CACNG3: variants seen among roughly 807,000 people sequenced by gnomAD.
The protein encoded by CACNG3 is calcium voltage-gated channel auxiliary subunit gamma 3.
CACNG3 carries 3 observed loss-of-function variants against 28.5 expected under a neutral mutation model. That is an observed-to-expected ratio of 0.11 (90% CI 0.05 to 0.27). CACNG3 has a LOEUF of 0.27. Among genes scored for constraint, CACNG3 ranks in the 10% least tolerant of loss-of-function variants. The probability of loss-of-function intolerance (pLI) is 1.00; values close to 1 mark genes in which losing one functional copy is unlikely to be tolerated. For synonymous variants in CACNG3, 174 were observed against 162.2 expected (o/e 1.07, Z -0.55); for missense variants, 236 against 414.4 (o/e 0.57, Z 3.74).
At chr16:24,346,897 C>G (rs9929298) in intron 2 of CACNG3, 80 bp downstream of exon 2, 38,832 of 1,072,310 alleles carry the variant, frequency 0.036, 1,320 homozygotes, top group African/African-American at 0.16. Context: ...TGAGTCGGAG[C>G]TTCCTCAGCA....
chr16:24,348,783 T>C (rs1899903516), intron 2 of CACNG3, among the ~76,000 whole-genome samples: 1 of 152,176 alleles, frequency 6.6e-6, no homozygotes, highest in Admixed American at 6.5e-5. Flanking sequence ...AGAGTGCCCA[T>C]AGATTTTCTT....
intron 1 of CACNG3, among the ~76,000 whole-genome samples, chr16:24,344,215 T>G (rs1330657267): frequency 1.3e-5 from 2 of 152,042 alleles, no homozygotes; most frequent in Non-Finnish European, 2.9e-5. Context: ...GTGGTTCACC[T>G]GAGGTCAGGG....
At chr16:24,338,244 T>G (rs1429528052) in intron 1 of CACNG3, among the ~76,000 whole-genome samples, 4 of 152,194 alleles carry the variant, frequency 2.6e-5, no homozygotes, top group African/African-American at 9.6e-5. Context: ...CAAGTGTCCC[T>G]TCTGCAACAA....
chr16:24,257,026 T>A, intron 1 of CACNG3, 61 bp downstream of exon 1: 2 of 1,040,598 alleles, frequency 1.9e-6, no homozygotes, highest in Non-Finnish European at 3.0e-6. Flanking sequence ...TGGTGGGTGT[T>A]TGGAGGAGAT....
intron 1 of CACNG3, among the ~76,000 whole-genome samples, chr16:24,276,302 A>T (rs1898753027): frequency 6.6e-6 from 1 of 152,246 alleles, no homozygotes; most frequent in South Asian, 2.1e-4. Context: ...TTTTCAAATG[A>T]ATTTTAAAAT....
chr16:24,317,548 A>AAAAGAAAAAG (rs1567217292), intron 1 of CACNG3, among the ~76,000 whole-genome samples: 2 of 137,844 alleles, frequency 1.5e-5, no homozygotes, highest in East Asian at 4.3e-4. Flanking sequence ...TCAAAAAAAA[A>AAAAGAAAAAG]AAAGAAAAAG....
chr16:24,327,627 AC>A (rs1899575332), intron 1 of CACNG3, among the ~76,000 whole-genome samples: 2 of 149,102 alleles, frequency 1.3e-5, no homozygotes, highest in South Asian at 4.2e-4. Context: ...CTCAAAAAAA[AC>A]AAAAACAAAA....
chr16:24,344,678 CTA>C (rs1308107378), intron 1 of CACNG3, among the ~76,000 whole-genome samples: 1 of 152,142 alleles, frequency 6.6e-6, no homozygotes, highest in Non-Finnish European at 1.5e-5. Flanking sequence ...GGTTCTGAGT[CTA>C]TTATTTGCCT....
intron 1 of CACNG3, among the ~76,000 whole-genome samples, chr16:24,269,471 G>A (rs766914247): frequency 3.9e-5 from 6 of 152,148 alleles, no homozygotes; most frequent in Admixed American, 6.5e-5. Context: ...GAAAATCTCA[G>A]CCGAGTGCGG....
rs1899188942 is a variant in CACNG3, at chr16:24,306,631, C to A, written c.212-40103C>A. 2.6e-5 allele frequency among the ~76,000 whole-genome samples: 4 copies of A among 152,162 alleles called. No individual in the cohort carries two copies. The South Asian group carries it at 6.2e-4, about 24-fold the overall frequency. On this transcript the variant is annotated intron_variant, in intron 1 of 3. Transcript: ENST00000005284. Reference sequence around the variant, plus strand: ...GACACTCTCTGCCCCACGCCAAATTCCTGCCCACCCCTACCCCAACACATA... The same window carrying A: ...GACACTCTCTGCCCCACGCCAAATTACTGCCCACCCCTACCCCAACACATA...
Position 24,308,855 on chromosome 16 carries a change from AAAAAAAAAAAAAG to A in CACNG3, c.212-37874_212-37862del, listed in dbSNP as rs1306996957. Reference sequence around the variant, plus strand: ...AACCTACCTCAAAAAAAAAAAAAAAAAAAAAAAAAAAAGAAAAGAAAAAAGAAAAAGATAACTA... The same window carrying A: ...AACCTACCTCAAAAAAAAAAAAAAAAAAAAGAAAAAAGAAAAAGATAACTA... On this transcript the variant is annotated intron_variant, in intron 1 of 3. Transcript: ENST00000005284. 2.2e-3 allele frequency among the ~76,000 whole-genome samples: 332 copies of A among 150,422 alleles called. 3 individuals carry two copies. Among genetic ancestry groups the A allele is most frequent in the Middle Eastern group, 0.014 (4 of 290 alleles).
chr16:24,279,856 G>A (rs1347405214), intron 1 of CACNG3, among the ~76,000 whole-genome samples: 5 of 152,178 alleles, frequency 3.3e-5, no homozygotes, highest in Non-Finnish European at 5.9e-5. Context: ...GATGGGGAGA[G>A]GGTGAGTCTG....
At chr16:24,323,173 G>A (rs1298826728) in intron 1 of CACNG3, among the ~76,000 whole-genome samples, 2 of 133,612 alleles carry the variant, frequency 1.5e-5, no homozygotes, top group East Asian at 2.3e-4. Flanking sequence ...GCTGCAGTGA[G>A]CCATAATTGA....
chr16:24,328,454 G>A (rs559003693), intron 1 of CACNG3, among the ~76,000 whole-genome samples: 57 of 150,560 alleles, frequency 3.8e-4, no homozygotes, highest in African/African-American at 1.3e-3. Context: ...AGTTGCCCAA[G>A]ATACCTGCAG....
intron 2 of CACNG3, among the ~76,000 whole-genome samples, chr16:24,351,520 C>T (rs1000439636): frequency 2.7e-5 from 4 of 147,094 alleles, no homozygotes; most frequent in East Asian, 2.1e-4. Context: ...TGCAGTGAGC[C>T]GGATCGCACT....
At chr16:24,317,562 G>T (rs1236467430) in intron 1 of CACNG3, among the ~76,000 whole-genome samples, 1 of 30,126 alleles carries the variant, frequency 3.3e-5, no homozygotes, top group African/African-American at 1.7e-4. Context: ...GAAAAAGAAA[G>T]AAAGAAAGAA....
chr16:24,264,390 G>C (rs1898571942), intron 1 of CACNG3, among the ~76,000 whole-genome samples: 1 of 152,232 alleles, frequency 6.6e-6, no homozygotes, highest in Admixed American at 6.5e-5. Context: ...TATGTTTTCA[G>C]TGGAAGGAGC....
chr16:24,332,583 C>T (rs548618158), intron 1 of CACNG3, among the ~76,000 whole-genome samples: 26 of 152,192 alleles, frequency 1.7e-4, no homozygotes, highest in Non-Finnish European at 2.8e-4. Flanking sequence ...TTATTAGAAG[C>T]GGTAATTTGT....
intron 1 of CACNG3, among the ~76,000 whole-genome samples, chr16:24,330,471 C>T (rs1267034486): frequency 6.6e-6 from 1 of 152,216 alleles, no homozygotes; most frequent in Non-Finnish European, 1.5e-5. Context: ...GTCCATCTGA[C>T]GACAGAGGCT....
Sources: allele counts gnomAD v4.1 joint callset (sites outside exome capture counted in the v4.1 genomes callset), GRCh38; gene constraint gnomAD v4.1.1; transcripts MANE v1.5; gene names NCBI Gene and HGNC (gene_info 2026-07-23, HGNC 2026-07-21).